The following SMCO4 variants were observed in gnomAD, a reference collection of about 807,000 sequenced individuals.
SMCO4 encodes single-pass membrane protein with coiled-coil domains 4.
A neutral mutation model predicts 3.6 loss-of-function variants in SMCO4; 4 were observed. That is an observed-to-expected ratio of 1.11 (90% confidence interval 0.54 to 2.53). The LOEUF (loss-of-function observed/expected upper bound fraction) is 2.53. Ranked by LOEUF, SMCO4 falls within the 30% of genes most tolerant of loss-of-function variation. The pLI is 0.02. For missense variants in SMCO4, 70 were observed against 80.8 expected (o/e 0.87, Z 0.51); for synonymous variants, 36 against 35.3 (o/e 1.02, Z -0.07).
chr11:93,516,615 C>A (rs1949009845), intron 1 of SMCO4, among the ~76,000 whole-genome samples: 1 of 152,044 alleles, frequency 6.6e-6, no homozygotes, highest in South Asian at 2.1e-4. Context: ...CATGGTGAAA[C>A]CCCATCTCTA....
At chr11:93,514,422 A>ATATACACATATAT (rs1948990819) in intron 1 of SMCO4, among the ~76,000 whole-genome samples, 1 of 103,896 alleles carries the variant, frequency 9.6e-6, no homozygotes, top group African/African-American at 3.8e-5. Flanking sequence ...ATATATATAT[A>ATATACACATATAT]AAATTTGGTC....
intron 1 of SMCO4, among the ~76,000 whole-genome samples, chr11:93,520,700 C>G (rs1036278432): frequency 1.3e-5 from 2 of 152,186 alleles, no homozygotes; most frequent in Non-Finnish European, 2.9e-5. Context: ...ATATAAAGAA[C>G]AAAATTATTT....
chr11:93,491,041 T>C (rs747023495), intron 2 of SMCO4, among the ~76,000 whole-genome samples: 11 of 152,384 alleles, frequency 7.2e-5, no homozygotes, highest in Admixed American at 6.5e-4. Flanking sequence ...CTCCTCTATA[T>C]ACCGTCATTC....
chr11:93,486,253 G>A (rs1948649305), intron 2 of SMCO4, among the ~76,000 whole-genome samples: 1 of 152,182 alleles, frequency 6.6e-6, no homozygotes, highest in South Asian at 2.1e-4. Flanking sequence ...TAGTGCAGCT[G>A]GGATTCCAAT....
At chr11:93,519,080 G>T (rs149888667) in intron 1 of SMCO4, among the ~76,000 whole-genome samples, 36 of 152,314 alleles carry the variant, frequency 2.4e-4, no homozygotes, top group Non-Finnish European at 4.0e-4. Flanking sequence ...ATGGCTTGCT[G>T]GAAATTTAGC....
intron 1 of SMCO4, among the ~76,000 whole-genome samples, chr11:93,512,876 A>G (rs1563445): frequency 0.79 from 120,110 of 152,142 alleles, 47,804 homozygotes; most frequent in African/African-American, 0.85. Flanking sequence ...GTACTATGGG[A>G]GCAGGTCATG....
chr11:93,517,294 G>C lies in SMCO4; in HGVS notation c.-153-17946C>G, dbSNP rs957541186. Reference sequence around the variant, plus strand: ...GGGCAGGGGCTGTCACCCTACTGCTGCCTTACGACTGCCGTAATCCAATTG... The same window carrying C: ...GGGCAGGGGCTGTCACCCTACTGCTCCCTTACGACTGCCGTAATCCAATTG... On this transcript the variant is annotated intron_variant, in intron 1 of 2. Coordinates refer to ENST00000298966, the MANE Select transcript of SMCO4 (RefSeq NM_020179.3). 2.6e-5 allele frequency among the ~76,000 whole-genome samples: 4 copies of C among 152,126 alleles called. No homozygotes were observed. In the East Asian group the frequency reaches 7.7e-4, roughly 29 times the overall value.
chr11:93,538,323 C>T (rs1949245214), intron 1 of SMCO4, among the ~76,000 whole-genome samples: 1 of 152,202 alleles, frequency 6.6e-6, no homozygotes, highest in Non-Finnish European at 1.5e-5. Flanking sequence ...CACAAGTTAA[C>T]CCCATCTAGG....
chr11:93,532,710 A>G (rs760439724), intron 1 of SMCO4, among the ~76,000 whole-genome samples: 22 of 152,192 alleles, frequency 1.4e-4, no homozygotes, highest in Non-Finnish European at 1.0e-4. Flanking sequence ...CAAGCCAAGA[A>G]TACCAAGGAC....
At chr11:93,508,030 T>C (rs1948924445) in intron 1 of SMCO4, among the ~76,000 whole-genome samples, 2 of 152,250 alleles carry the variant, frequency 1.3e-5, no homozygotes, top group Non-Finnish European at 2.9e-5. Flanking sequence ...GGGTTTATTG[T>C]TATATTTAAA....
At chr11:93,532,607 A>G (rs1007053769) in intron 1 of SMCO4, among the ~76,000 whole-genome samples, 10 of 152,138 alleles carry the variant, frequency 6.6e-5, no homozygotes, top group Admixed American at 4.6e-4. Flanking sequence ...TCTATGTCCT[A>G]TTGGTTCTGT....
intron 2 of SMCO4, among the ~76,000 whole-genome samples, chr11:93,484,860 C>T (rs1948630394): frequency 6.6e-6 from 1 of 152,114 alleles, no homozygotes; most frequent in Admixed American, 6.5e-5. Context: ...ACTTTCAACT[C>T]TCATCACCCC....
chr11:93,537,788 A>T (rs1228269363), intron 1 of SMCO4: 5 of 151,618 alleles, frequency 3.3e-5, no homozygotes, highest in Non-Finnish European at 7.4e-5. Context: ...TCTTTGAGGG[A>T]AAAGTGTAAA....
At position 93,484,156 on chromosome 11, in the gene SMCO4, T is replaced by C. The variant is rs531344312; in HGVS notation, c.-80-4887A>G. Among the ~76,000 whole-genome samples, 3 of 152,176 alleles carry C rather than the reference T, an allele frequency of 2.0e-5. No homozygotes were observed. In the South Asian group the frequency reaches 6.2e-4, roughly 32 times the overall value. ...ACACACCCACGGCAACCGGTCAGCA[T>C]GGGGACACTCCAAATGGTCCCCAGT... On this transcript the variant is annotated intron_variant, in intron 2 of 2. Transcript: ENST00000298966.
At chr11:93,496,686 G>A (rs1475135705) in intron 2 of SMCO4, among the ~76,000 whole-genome samples, 4 of 152,212 alleles carry the variant, frequency 2.6e-5, no homozygotes, top group Non-Finnish European at 5.9e-5. Context: ...CAGGACACAT[G>A]AGGGTAGCCT....
intron 1 of SMCO4, among the ~76,000 whole-genome samples, chr11:93,505,886 GA>G (rs1948894802): frequency 6.6e-6 from 1 of 151,956 alleles, no homozygotes; most frequent in Non-Finnish European, 1.5e-5. Context: ...TGATGATGAT[GA>G]TGATGATGAA....
At chr11:93,494,505 G>A (rs556819679) in intron 2 of SMCO4, among the ~76,000 whole-genome samples, 8 of 152,226 alleles carry the variant, frequency 5.3e-5, no homozygotes, top group Admixed American at 3.3e-4. Context: ...TTCCAAACCC[G>A]CAGGAATCCA....
intron 2 of SMCO4, chr11:93,481,486 A>C: frequency 1.0e-6 from 1 of 985,386 alleles, no homozygotes; most frequent in Non-Finnish European, 1.2e-6. Flanking sequence ...AGGGCTTGGC[A>C]CAGAGCGGGC....
intron 2 of SMCO4, among the ~76,000 whole-genome samples, chr11:93,485,169 G>A (rs918045434): frequency 5.3e-5 from 8 of 152,144 alleles, no homozygotes; most frequent in Admixed American, 3.3e-4. Context: ...TCCATGAGTA[G>A]CTGGCATTAT....
Sources: allele counts gnomAD v4.1 joint callset (sites outside exome capture counted in the v4.1 genomes callset), GRCh38; gene constraint gnomAD v4.1.1; transcripts MANE v1.5; gene names NCBI Gene and HGNC (gene_info 2026-07-23, HGNC 2026-07-21).